The following GRM1 variants were observed in gnomAD, a reference collection of about 807,000 sequenced individuals.
The protein encoded by GRM1 is metabotropic glutamate receptor 1.
Under a neutral mutation model 90.9 loss-of-function variants are expected in GRM1, and 33 were observed. That is an observed-to-expected ratio of 0.36 (90% CI 0.28 to 0.49). The LOEUF (loss-of-function observed/expected upper bound fraction) is 0.49, where lower values mean the gene tolerates loss of function less well. Among genes scored for constraint, GRM1 ranks in the 20% least tolerant of loss-of-function variants. The pLI is 0.99. For missense variants in GRM1, 1,190 were observed against 1,534.3 expected (o/e 0.78, Z 3.75); for synonymous variants, 700 against 613.2 (o/e 1.14, Z -2.09).
rs187757110 is a variant in GRM1, at chr6:146,267,761, T to G, written c.951-36850T>G. On this transcript the variant is annotated intron_variant, in intron 2 of 7. Coordinates refer to ENST00000282753, the MANE Select transcript of GRM1 (RefSeq NM_001278064.2). ...GTCTCGTCTCGTCTCGTCTCGTCTCTTCATGTTTTTCTGCCTGCTTTATAT... is the reference window on the plus strand; with the variant it reads ...GTCTCGTCTCGTCTCGTCTCGTCTCGTCATGTTTTTCTGCCTGCTTTATAT... Among the ~76,000 whole-genome samples, 202 of 142,198 alleles carry G rather than the reference T, an allele frequency of 1.4e-3. 1 individual carries two copies. The East Asian group carries it at 0.019, about 14-fold the overall frequency. 93.3% of individuals were successfully genotyped at this position (142,198 alleles called of 152,430 possible).
chr6:146,277,569 T>C (rs895669812), intron 2 of GRM1, among the ~76,000 whole-genome samples: 1 of 152,220 alleles, frequency 6.6e-6, no homozygotes, highest in Non-Finnish European at 1.5e-5. Flanking sequence ...CAAATGTTTT[T>C]ACACATTTCA....
intron 2 of GRM1, among the ~76,000 whole-genome samples, chr6:146,266,545 AT>A (rs1781893891): frequency 1.3e-5 from 2 of 152,140 alleles, no homozygotes; most frequent in Non-Finnish European, 2.9e-5. Flanking sequence ...CATTTAATTA[AT>A]CACCAGGTTC....
chr6:146,071,829 A>G (rs1230353876), intron 1 of GRM1, among the ~76,000 whole-genome samples: 1 of 152,122 alleles, frequency 6.6e-6, no homozygotes, highest in Non-Finnish European at 1.5e-5. Context: ...TGGGCCTTTA[A>G]TCCTGTGTGT....
At chr6:146,254,016 A>C (rs1393574230) in intron 2 of GRM1, among the ~76,000 whole-genome samples, 3 of 152,052 alleles carry the variant, frequency 2.0e-5, no homozygotes, top group African/African-American at 7.2e-5. Flanking sequence ...TATGAGGTTT[A>C]AACTAGATAG....
chr6:146,060,394 T>C (rs1209481716), intron 1 of GRM1, among the ~76,000 whole-genome samples: 4 of 152,144 alleles, frequency 2.6e-5, no homozygotes, highest in Non-Finnish European at 5.9e-5. Flanking sequence ...ATCCTCACCC[T>C]CCTCCCACTC....
chr6:146,229,672 C>T (rs1227714034), intron 2 of GRM1, among the ~76,000 whole-genome samples: 1 of 151,958 alleles, frequency 6.6e-6, no homozygotes, highest in Admixed American at 6.6e-5. Context: ...ATGTTTTGTC[C>T]TAAAAATCTC....
intron 4 of GRM1, among the ~76,000 whole-genome samples, chr6:146,356,164 C>T (rs1785575060): frequency 6.6e-6 from 1 of 152,070 alleles, no homozygotes; most frequent in Admixed American, 6.6e-5. Context: ...TGAAAATAAC[C>T]AGAGTATTTT....
intron 2 of GRM1, among the ~76,000 whole-genome samples, chr6:146,203,002 T>C (rs956326595): frequency 9.9e-5 from 15 of 152,050 alleles, no homozygotes; most frequent in Admixed American, 3.9e-4. Flanking sequence ...GAGACAATCC[T>C]GGCTAACACG....
intron 2 of GRM1, among the ~76,000 whole-genome samples, chr6:146,220,967 T>G: frequency 6.8e-6 from 1 of 148,094 alleles, no homozygotes; most frequent in East Asian, 2.0e-4. Flanking sequence ...GAGAGAGAGG[T>G]GAGAGACGAC....
In GRM1 at chr6:146,399,910, G is replaced by T. The variant is rs1251187316; in HGVS notation, c.2660+211G>T. ...GTTGCAGTAAGAATGCAGAACTGAG[G>T]CTCCTCCCTGTTTTCATTTCTTTGA... On this transcript the variant is annotated intron_variant, in intron 7 of 7. Coordinates refer to ENST00000282753, the MANE Select transcript of GRM1 (RefSeq NM_001278064.2). This position sits in a 1 kb window ranked among gnomAD's most constrained non-coding sequence, Gnocchi z 5.4. 6.6e-6 allele frequency among the ~76,000 whole-genome samples: 1 copy of T among 152,096 alleles called. No individual in the cohort carries two copies. Among genetic ancestry groups the T allele is most frequent in the Non-Finnish European group, 1.5e-5 (1 of 68,024 alleles).
intron 7 of GRM1, among the ~76,000 whole-genome samples, chr6:146,418,542 A>G (rs1777868799): frequency 2.0e-5 from 3 of 151,890 alleles, no homozygotes; most frequent in Non-Finnish European, 4.4e-5. Context: ...ACATGCATAT[A>G]CATACACACT....
chr6:146,341,789 G>T (rs1163773612), intron 3 of GRM1, among the ~76,000 whole-genome samples: 1 of 152,144 alleles, frequency 6.6e-6, no homozygotes, highest in Non-Finnish European at 1.5e-5. Flanking sequence ...AACCCCAACG[G>T]TGCAGCCAGT....
At chr6:146,280,393 T>C (rs1782523879) in intron 2 of GRM1, among the ~76,000 whole-genome samples, 1 of 152,196 alleles carries the variant, frequency 6.6e-6, no homozygotes, top group African/African-American at 2.4e-5. Flanking sequence ...TATGATTCTT[T>C]CATAACTATT....
At chr6:146,205,533 T>C (rs1221263512) in intron 2 of GRM1, among the ~76,000 whole-genome samples, 1 of 152,138 alleles carries the variant, frequency 6.6e-6, no homozygotes, top group Non-Finnish European at 1.5e-5. Context: ...TGAATTATTA[T>C]GCGGAAAGTT....
chr6:146,387,147 G>A (rs928666480), intron 6 of GRM1, 131 bp downstream of exon 6: 2 of 881,684 alleles, frequency 2.3e-6, no homozygotes, highest in Non-Finnish European at 3.9e-6. Flanking sequence ...TAGTCCTCAT[G>A]TCAAGGAGTA....
rs1439627315 is a variant in GRM1 at position 146,225,545 on chromosome 6, A to C, written c.950+65948A>C. On this transcript the variant is annotated intron_variant, in intron 2 of 7. Coordinates refer to ENST00000282753, the MANE Select transcript of GRM1 (RefSeq NM_001278064.2). ...CATTTTCATTTTGAAGTATGTATTTAGAATCTATTTCCTTGGGACTTCAAT... is the reference window on the plus strand; with the variant it reads ...CATTTTCATTTTGAAGTATGTATTTCGAATCTATTTCCTTGGGACTTCAAT... 2.0e-5 allele frequency among the ~76,000 whole-genome samples: 3 copies of C among 152,310 alleles called. No individual in the cohort carries two copies. The South Asian group carries it at 6.2e-4, about 32-fold the overall frequency.
intron 2 of GRM1, among the ~76,000 whole-genome samples, chr6:146,260,563 G>C (rs1024018032): frequency 6.6e-6 from 1 of 152,074 alleles, no homozygotes; most frequent in African/African-American, 2.4e-5. Flanking sequence ...CTAGATCCTT[G>C]AGGAATTGCC....
chr6:146,392,815 T>C (rs1000245434), intron 6 of GRM1, among the ~76,000 whole-genome samples: 1 of 152,188 alleles, frequency 6.6e-6, no homozygotes, highest in African/African-American at 2.4e-5. Context: ...GTTAGTTTGC[T>C]GAGAATGATG....
At chr6:146,280,608 C>T (rs1318769818) in intron 2 of GRM1, among the ~76,000 whole-genome samples, 3 of 152,162 alleles carry the variant, frequency 2.0e-5, no homozygotes, top group South Asian at 2.1e-4. Context: ...TATTTTTACT[C>T]ATTACTTCGT....
Sources: gnomAD v4.1 joint callset for allele counts (sites outside exome capture counted in the v4.1 genomes callset) on GRCh38, gnomAD v4.1.1 for gene constraint, Gnocchi (gnomAD v3.1) non-coding constraint, MANE v1.5 for transcripts, NCBI Gene and HGNC (gene_info 2026-07-23, HGNC 2026-07-21) for gene names.